The following TMEM19 variants were observed in gnomAD, a reference collection of about 807,000 sequenced individuals.
TMEM19 encodes transmembrane protein 19.
In TMEM19, 21 loss-of-function variants were observed where a neutral mutation model predicts 33.6. That is an observed-to-expected ratio of 0.62 (90% confidence interval 0.44 to 0.90). TMEM19 has a LOEUF of 0.90. Ranked by LOEUF, TMEM19 falls within the 40% of genes least tolerant of loss-of-function variation. TMEM19 has a pLI of 0.00. For synonymous variants in TMEM19, 149 were observed against 147.5 expected (o/e 1.01, Z -0.07); for missense variants, 402 against 401.8 (o/e 1.00, Z 0.00).
chr12:71,701,114 C>A lies in TMEM19; in HGVS notation c.*119C>A. The A allele has an allele frequency of 9.7e-7, 1 of 1,032,930 alleles. No individual in the cohort carries two copies. The highest frequency in any genetic ancestry group is 1.6e-5 in the African/African-American group (1 of 61,784). The allele number at this position is 1,032,930 out of a possible 1,614,324, so 64.0% of individuals were successfully genotyped here. On this transcript the variant is annotated 3_prime_UTR_variant, in exon 6 of 6. Transcript: ENST00000266673. ...CGGAAATGCCAGTTCCTCCTGTATT[C>A]CATTGAGATGGGATTTCACATTTTC... is the stretch of plus-strand genomic sequence containing the variant.
In TMEM19 at chr12:71,690,853, T is replaced by A. The variant is rs549480680; in HGVS notation, c.244+1149T>A. Among the ~76,000 whole-genome samples the A allele has an allele frequency of 3.3e-5, 5 of 152,312 alleles. No individual in the cohort carries two copies. In the South Asian group the frequency reaches 1.0e-3, roughly 32 times the overall value. Reference sequence around the variant, plus strand: ...TGAGAGTAAGAATAATAGGGCTCATTTGACTAGAAAATAGTAACGATAGGA... The same window carrying A: ...TGAGAGTAAGAATAATAGGGCTCATATGACTAGAAAATAGTAACGATAGGA... On this transcript the variant is annotated intron_variant, in intron 2 of 5. Transcript: ENST00000266673.
chr12:71,697,454 A>T lies in TMEM19; in HGVS notation c.557A>T (p.Asp186Val). ...GCTGCACTGGCCTGCTCTGCTGGAG[A>T]CACATGGGCTTCAGAAGTTGGCCCA... The part of the protein sequence containing the change: ...LLAALACSAG[D>V]TWASEVGPVL... Residue 186 changes from aspartate (D) to valine (V), a missense_variant, in exon 4 of 6, where the codon GAC becomes GTC. By Grantham distance (152) the Asp-to-Val change is radical. Transcript: ENST00000266673. 1 of 1,608,174 alleles carries T rather than the reference A, an allele frequency of 6.2e-7. No individual in the cohort carries two copies. The highest frequency in any genetic ancestry group is 8.5e-7 in the Non-Finnish European group (1 of 1,177,992).
chr12:71,693,604 A>G (rs1475042489), intron 2 of TMEM19, among the ~76,000 whole-genome samples: 1 of 152,174 alleles, frequency 6.6e-6, no homozygotes, highest in East Asian at 1.9e-4. Context: ...CAAATATTTT[A>G]TAGATGTTAG....
At chr12:71,691,913 G>A (rs1055585340) in intron 2 of TMEM19, among the ~76,000 whole-genome samples, 1 of 152,056 alleles carries the variant, frequency 6.6e-6, no homozygotes, top group African/African-American at 2.4e-5. Flanking sequence ...CTGCTAGAAG[G>A]GCTGCCTTGT....
At chr12:71,696,250 TA>T (rs1188648952) in intron 2 of TMEM19, among the ~76,000 whole-genome samples, 185 bp from the exon 3 acceptor site, 1 of 152,130 alleles carries the variant, frequency 6.6e-6, no homozygotes, top group African/African-American at 2.4e-5. Context: ...TAAAATATGG[TA>T]AAAAATGTGT....
In TMEM19 at chr12:71,696,444, G is replaced by T; in HGVS notation, c.253G>T (p.Val85Phe). Residue 85 changes from valine to phenylalanine, a missense_variant, in exon 3 of 6, where the codon GTT becomes TTT. Coordinates refer to ENST00000266673, the MANE Select transcript of TMEM19 (RefSeq NM_018279.4). ...ATATATGTTTCTTTCAGGGCTAGTC[G>T]TTGGATTTATCCTAACCATTGCAAA... ...DHSGALGGLV[V>F]GFILTIANFS... 2 of 1,600,516 alleles carry T rather than the reference G, an allele frequency of 1.2e-6. No individual in the cohort carries two copies. Among genetic ancestry groups the T allele is most frequent in the Non-Finnish European group, 1.7e-6 (2 of 1,172,880 alleles).
Position 71,697,365 on chromosome 12 carries a change from C to T in TMEM19, c.468C>T (p.Pro156=), listed in dbSNP as rs371721801. ...LALLYMIENG[P]GEIPVDFSKQ... is the part of the protein sequence containing the mutation. ...TGCTGTACATGATAGAAAATGGCCCCGGGGAAATCCCAGTCGATTTTTCCA... is the reference window on the plus strand; with the variant it reads ...TGCTGTACATGATAGAAAATGGCCCTGGGGAAATCCCAGTCGATTTTTCCA... The change falls in exon 4 of 6, where the codon CCC becomes CCT. Residue 156 remains proline, a synonymous_variant. Coordinates refer to ENST00000266673, the MANE Select transcript of TMEM19 (RefSeq NM_018279.4). 26 of 1,611,088 alleles carry T rather than the reference C, an allele frequency of 1.6e-5. No homozygotes were observed. Among genetic ancestry groups the T allele is most frequent in the South Asian group, 9.9e-5 (9 of 90,476 alleles).
chr12:71,689,483 T>A lies in TMEM19; in HGVS notation c.131-108T>A, dbSNP rs917429542. The A allele has an allele frequency of 1.7e-4, 135 of 801,660 alleles. 1 individual carries two copies. The African/African-American group carries it at 2.0e-3, about 12-fold the overall frequency. The allele number at this position is 801,660 out of a possible 1,614,324, so 49.7% of individuals were successfully genotyped here. ...TTCTTTGGTGACTTCATCTTGGTGT[T>A]TGTACTTATGACAGTATTTTAGTCT... is the stretch of plus-strand genomic sequence containing the variant. On this transcript the variant is annotated intron_variant, in intron 1 of 5. Coordinates refer to ENST00000266673, the MANE Select transcript of TMEM19 (RefSeq NM_018279.4).
chr12:71,693,237 C>T (rs1881815089), intron 2 of TMEM19, among the ~76,000 whole-genome samples: 1 of 151,688 alleles, frequency 6.6e-6, no homozygotes, highest in African/African-American at 2.4e-5. Flanking sequence ...CGCTCTATCA[C>T]CCAGGCTGTA....
In TMEM19 at chr12:71,686,631, T is replaced by C; in HGVS notation, c.-50T>C. 2 of 1,601,174 alleles carry C rather than the reference T, an allele frequency of 1.2e-6. No individual in the cohort carries two copies. Among genetic ancestry groups the C allele is most frequent in the African/African-American group, 1.3e-5 (1 of 74,536 alleles). ...TGCTCACATCGTAAATGACTTTCTC[T>C]CCGAAACGCTAAATATTCTTTCCCG... is the stretch of plus-strand genomic sequence containing the variant. On this transcript the variant is annotated 5_prime_UTR_variant, in exon 1 of 6. Transcript: ENST00000266673.
intron 5 of TMEM19, chr12:71,699,402 G>A (rs965532277): frequency 1.1e-5 from 6 of 534,728 alleles, no homozygotes; most frequent in East Asian, 3.0e-5. Context: ...AAAGCAAGAC[G>A]TTTGGGATCA....
chr12:71,701,006 A>G lies in TMEM19; in HGVS notation c.*11A>G. ...TGGCCCAGGGGGTGAACTTTATTTC[A>G]TTTCCACAGGTTGAAACTGGTGAGT... is the stretch of plus-strand genomic sequence containing the variant. On this transcript the variant is annotated 3_prime_UTR_variant, in exon 6 of 6. Coordinates refer to ENST00000266673, the MANE Select transcript of TMEM19 (RefSeq NM_018279.4). The G allele has an allele frequency of 6.3e-7, 1 of 1,598,854 alleles. No homozygotes were observed. The highest frequency in any genetic ancestry group is 8.5e-7 in the Non-Finnish European group (1 of 1,172,624).
At chr12:71,690,284 A>G (rs964919395) in intron 2 of TMEM19, 2 of 152,260 alleles carry the variant, frequency 1.3e-5, no homozygotes, top group African/African-American at 4.8e-5. Context: ...CTCTGAGTAG[A>G]GACTACAGGT....
At chr12:71,694,118 C>T (rs191029397) in intron 2 of TMEM19, among the ~76,000 whole-genome samples, 1 of 152,250 alleles carries the variant, frequency 6.6e-6, no homozygotes, top group East Asian at 1.9e-4. Flanking sequence ...GTATTTAGAA[C>T]CATTCATGAC....
At position 71,686,786 on chromosome 12, in the gene TMEM19, T is replaced by A; in HGVS notation, c.106T>A (p.Ser36Thr). The A allele has an allele frequency of 6.2e-7, 1 of 1,612,214 alleles. No homozygotes were observed. The highest frequency in any genetic ancestry group is 8.5e-7 in the Non-Finnish European group (1 of 1,179,612). ...ICISLAFWII[S>T]MTASTYYGNL... Reference sequence around the variant, plus strand: ...CATTTCGTTAGCTTTCTGGATTATATCAATGACTGCAAGCACCTATTATGG... The same window carrying A: ...CATTTCGTTAGCTTTCTGGATTATAACAATGACTGCAAGCACCTATTATGG... Residue 36 changes from serine to threonine, a missense_variant, in exon 1 of 6, where the codon TCA becomes ACA. By Grantham distance (58) the Ser-to-Thr change is moderately conservative (BLOSUM62 1). Coordinates refer to ENST00000266673, the MANE Select transcript of TMEM19 (RefSeq NM_018279.4).
At chr12:71,693,859 C>T (rs751940678) in intron 2 of TMEM19, among the ~76,000 whole-genome samples, 8 of 152,234 alleles carry the variant, frequency 5.3e-5, no homozygotes, top group South Asian at 2.1e-4. Flanking sequence ...CCTTGCCTGC[C>T]GCTATGTAAG....
At chr12:71,694,434 T>C (rs1359331337) in intron 2 of TMEM19, among the ~76,000 whole-genome samples, 1 of 152,214 alleles carries the variant, frequency 6.6e-6, no homozygotes, top group African/African-American at 2.4e-5. Flanking sequence ...CCTCACTCTG[T>C]CATGTACCCA....
At chr12:71,698,767 C>T in intron 4 of TMEM19, 133 bp from the exon 5 acceptor site, 1 of 747,354 alleles carries the variant, frequency 1.3e-6, no homozygotes, top group Non-Finnish European at 2.2e-6. Flanking sequence ...TTCTAAAAAG[C>T]TACAGTCTTT....
At chr12:71,694,146 T>A (rs769281757) in intron 2 of TMEM19, among the ~76,000 whole-genome samples, 3 of 152,088 alleles carry the variant, frequency 2.0e-5, no homozygotes, top group African/African-American at 4.8e-5. Context: ...TATACCTCAG[T>A]GTTAAGAGGA....
Sources: allele counts gnomAD v4.1 joint callset (sites outside exome capture counted in the v4.1 genomes callset), GRCh38; gene constraint gnomAD v4.1.1; transcripts MANE v1.5; gene names NCBI Gene and HGNC (gene_info 2026-07-23, HGNC 2026-07-21).